NKAIN2: variants seen among roughly 807,000 people sequenced by gnomAD.
The protein encoded by NKAIN2 is sodium/potassium-transporting ATPase subunit beta-1-interacting protein 2.
A neutral mutation model predicts 32.6 loss-of-function variants in NKAIN2; 14 were observed. The observed-to-expected ratio is 0.43, with a 90% CI of 0.28 to 0.67. NKAIN2 has a LOEUF of 0.67. Ranked by LOEUF, NKAIN2 falls within the 30% of genes least tolerant of loss-of-function variation. The pLI is 0.17. For missense variants in NKAIN2, 198 were observed against 258.3 expected (o/e 0.77, Z 1.60); for synonymous variants, 80 against 87.2 (o/e 0.92, Z 0.46).
chr6:124,805,359 G>A (rs1008570325), intron 5 of NKAIN2, among the ~76,000 whole-genome samples: 3 of 152,176 alleles, frequency 2.0e-5, no homozygotes, highest in Admixed American at 1.3e-4. Flanking sequence ...TGCAGACACC[G>A]CTGCTGACAC....
At chr6:124,486,480 T>C (rs1191943474) in intron 3 of NKAIN2, among the ~76,000 whole-genome samples, 1 of 152,210 alleles carries the variant, frequency 6.6e-6, no homozygotes, top group African/African-American at 2.4e-5. Context: ...TTTTGGAATA[T>C]TGATAATGGG....
At chr6:124,561,550 T>C (rs1305128982) in intron 3 of NKAIN2, among the ~76,000 whole-genome samples, 3 of 152,228 alleles carry the variant, frequency 2.0e-5, no homozygotes, top group Admixed American at 2.0e-4. Flanking sequence ...ATTCTTCATA[T>C]AACAAGACTT....
At chr6:124,169,539 A>G (rs1280168724) in intron 1 of NKAIN2, among the ~76,000 whole-genome samples, 1 of 152,160 alleles carries the variant, frequency 6.6e-6, no homozygotes, top group Non-Finnish European at 1.5e-5. Context: ...TAATTTAGGC[A>G]AAAAGATAAG....
At chr6:123,910,572 C>T (rs149050529) in intron 1 of NKAIN2, among the ~76,000 whole-genome samples, 1,397 of 131,590 alleles carry the variant, frequency 0.011, 15 homozygotes, top group Middle Eastern at 0.077. Context: ...GGCTCAATCT[C>T]AGCTCATTGC....
intron 1 of NKAIN2, among the ~76,000 whole-genome samples, chr6:123,870,371 G>C (rs561551013): frequency 6.6e-6 from 1 of 152,196 alleles, no homozygotes; most frequent in South Asian, 2.1e-4. Flanking sequence ...CTTCTAAGAT[G>C]GGAGGATTTG....
At chr6:124,224,596 A>G (rs1356388363) in intron 1 of NKAIN2, among the ~76,000 whole-genome samples, 1 of 152,062 alleles carries the variant, frequency 6.6e-6, no homozygotes, top group African/African-American at 2.4e-5. Flanking sequence ...CCAGCATTTT[A>G]AGCAGTCTTC....
At chr6:124,563,864 A>G (rs551412055) in intron 3 of NKAIN2, among the ~76,000 whole-genome samples, 57 of 152,246 alleles carry the variant, frequency 3.7e-4, no homozygotes, top group Admixed American at 1.2e-3. Flanking sequence ...TCACTGGGCA[A>G]TGAAGAGGGG....
Position 123,994,372 on chromosome 6 carries a change from C to T in NKAIN2, c.54+190118C>T, listed in dbSNP as rs78023837. Among the ~76,000 whole-genome samples, 783 of 152,120 alleles carry T rather than the reference C, an allele frequency of 5.1e-3. 40 individuals are homozygous for T. The East Asian group carries it at 0.12, about 24-fold the overall frequency. On this transcript the variant is annotated intron_variant, in intron 1 of 6. Coordinates refer to ENST00000368417, the MANE Select transcript of NKAIN2 (RefSeq NM_001040214.3). Reference sequence around the variant, plus strand: ...ACTGTGGGTGGAAGGAAATAATTTTCCCTCTCAATTCTGCCTTGGAGAGGA... The same window carrying T: ...ACTGTGGGTGGAAGGAAATAATTTTTCCTCTCAATTCTGCCTTGGAGAGGA...
intron 1 of NKAIN2, among the ~76,000 whole-genome samples, chr6:123,827,769 A>T (rs746427733): frequency 1.3e-5 from 2 of 152,104 alleles, no homozygotes; most frequent in East Asian, 3.8e-4. Flanking sequence ...TCTAGAGACA[A>T]AGGTAGGGAT....
chr6:124,415,322 G>T (rs947003177), intron 3 of NKAIN2, among the ~76,000 whole-genome samples: 1 of 152,182 alleles, frequency 6.6e-6, no homozygotes, highest in Non-Finnish European at 1.5e-5. Context: ...ATGGTTCAGA[G>T]AACTCAGGAC....
chr6:124,321,072 T>A (rs997951951), intron 2 of NKAIN2, among the ~76,000 whole-genome samples: 1 of 152,182 alleles, frequency 6.6e-6, no homozygotes, highest in Non-Finnish European at 1.5e-5. Flanking sequence ...TGTTTTATAA[T>A]TCAATATTTC....
At chr6:124,000,691 A>G (rs993455386) in intron 1 of NKAIN2, among the ~76,000 whole-genome samples, 4 of 152,090 alleles carry the variant, frequency 2.6e-5, no homozygotes, top group Non-Finnish European at 5.9e-5. Context: ...GGGTAGCTAG[A>G]GAGCATGTTA....
intron 4 of NKAIN2, among the ~76,000 whole-genome samples, chr6:124,740,447 C>T (rs897237077): frequency 7.0e-6 from 1 of 143,754 alleles, no homozygotes; most frequent in African/African-American, 2.6e-5. Context: ...CACATATACA[C>T]GTGTGTGTGT....
intron 3 of NKAIN2, among the ~76,000 whole-genome samples, chr6:124,408,402 G>A (rs896845887): frequency 3.9e-5 from 6 of 152,284 alleles, no homozygotes; most frequent in Admixed American, 2.6e-4. Context: ...TCCAGTTTCA[G>A]CTTTCTACAC....
At chr6:124,388,704 G>A (rs750836237) in intron 3 of NKAIN2, among the ~76,000 whole-genome samples, 6 of 152,056 alleles carry the variant, frequency 3.9e-5, no homozygotes, top group Non-Finnish European at 7.4e-5. Context: ...CATATGCAAA[G>A]CAAAGAAAAA....
chr6:123,841,150 T>C (rs1300115286), intron 1 of NKAIN2, among the ~76,000 whole-genome samples: 2 of 152,192 alleles, frequency 1.3e-5, no homozygotes, highest in African/African-American at 4.8e-5. Flanking sequence ...TAGGGCGGTA[T>C]ATGTACACAA....
intron 1 of NKAIN2, among the ~76,000 whole-genome samples, chr6:124,237,349 C>CT (rs1003838949): frequency 3.9e-4 from 59 of 151,918 alleles, no homozygotes; most frequent in East Asian, 1.2e-3. Flanking sequence ...CTAGGGATAA[C>CT]TTTTTTTTGT....
chr6:124,117,129 A>G (rs546717859), intron 1 of NKAIN2, among the ~76,000 whole-genome samples: 1 of 152,090 alleles, frequency 6.6e-6, no homozygotes, highest in Non-Finnish European at 1.5e-5. Flanking sequence ...AATCAATTTC[A>G]TATTTTTCAA....
intron 1 of NKAIN2, among the ~76,000 whole-genome samples, chr6:123,811,375 T>A (rs914526090): frequency 2.8e-5 from 2 of 70,502 alleles, no homozygotes; most frequent in African/African-American, 1.1e-4. Flanking sequence ...CTCTCTTTAC[T>A]AGCCTAGCCA....
Sources: allele counts gnomAD v4.1 joint callset (sites outside exome capture counted in the v4.1 genomes callset), GRCh38; gene constraint gnomAD v4.1.1; transcripts MANE v1.5; gene names NCBI Gene and HGNC (gene_info 2026-07-23, HGNC 2026-07-21).